The following CEP89 variants were observed in gnomAD, a reference collection of about 807,000 sequenced individuals.
The protein encoded by CEP89 is centrosomal protein 89, also known as centrosomal protein of 89 kDa.
CEP89 carries 95 observed loss-of-function variants against 97.6 expected under a neutral mutation model. That is an observed-to-expected ratio of 0.97 (90% CI 0.82 to 1.15). CEP89 has a LOEUF of 1.15. Among genes scored for constraint, CEP89 ranks in the 50% most tolerant of loss-of-function variants. CEP89 has a pLI of 0.00. For missense variants in CEP89, 869 were observed against 947.7 expected (o/e 0.92, Z 1.09); for synonymous variants, 354 against 349.1 (o/e 1.01, Z -0.16).
intron 2 of CEP89, among the ~76,000 whole-genome samples, chr19:32,960,966 C>G (rs563554536): frequency 6.6e-6 from 1 of 152,124 alleles, no homozygotes; most frequent in South Asian, 2.1e-4. Flanking sequence ...GATAGAGTGC[C>G]GGAAAGGAGA....
At chr19:32,927,131 C>CCCATCCATCCATCCAT in intron 9 of CEP89, 147 bp from the exon 10 acceptor site, 2 of 598,048 alleles carry the variant, frequency 3.3e-6, no homozygotes, top group Non-Finnish European at 6.0e-6. Context: ...TACCCACCTA[C>CCCATCCATCCATCCAT]CCATCCATCC....
chr19:32,939,719 G>T, intron 6 of CEP89, 138 bp downstream of exon 6: 1 of 481,160 alleles, frequency 2.1e-6, no homozygotes, highest in Non-Finnish European at 3.8e-6. Flanking sequence ...CAACAGGAAA[G>T]AACTCTTAAG....
chr19:32,911,689 G>C (rs1022041171), intron 14 of CEP89, among the ~76,000 whole-genome samples: 1 of 152,042 alleles, frequency 6.6e-6, no homozygotes, highest in African/African-American at 2.4e-5. Context: ...GGCTTAGTCA[G>C]CATGTAATAG....
chr19:32,932,432 A>G (rs1237156623), intron 8 of CEP89, among the ~76,000 whole-genome samples: 2 of 152,274 alleles, frequency 1.3e-5, no homozygotes, highest in East Asian at 3.9e-4. Context: ...AAATAGAAAA[A>G]GGTATAGAGA....
chr19:32,882,136 A>G lies in CEP89; in HGVS notation c.1966-123T>C, dbSNP rs1279228517. On this transcript the variant is annotated intron_variant, in intron 17 of 18. Transcript: ENST00000305768. Reference sequence around the variant, plus strand: ...AGCCTTTAAAATCTAGCAACCCCGGATAAGTTTGGTCTGGGATTGCAAGTC... The same window carrying G: ...AGCCTTTAAAATCTAGCAACCCCGGGTAAGTTTGGTCTGGGATTGCAAGTC... The G allele has an allele frequency of 2.0e-5, 15 of 767,138 alleles. 1 individual carries two copies. Among genetic ancestry groups the G allele is most frequent in the Admixed American group, 1.4e-4 (5 of 35,376 alleles). 47.5% of individuals were successfully genotyped at this position (767,138 alleles called of 1,614,324 possible).
chr19:32,884,764 T>G (rs950473268), intron 17 of CEP89, among the ~76,000 whole-genome samples: 2 of 152,118 alleles, frequency 1.3e-5, no homozygotes, highest in African/African-American at 4.8e-5. Context: ...GGGGTCTCTA[T>G]GTTGCCCAGG....
At chr19:32,889,962 C>T (rs778282328) in intron 16 of CEP89, among the ~76,000 whole-genome samples, 1 of 152,014 alleles carries the variant, frequency 6.6e-6, no homozygotes, top group Non-Finnish European at 1.5e-5. Flanking sequence ...AGAGGGGCAG[C>T]GCTGGGCCAG....
At position 32,913,308 on chromosome 19, in the gene CEP89, TTTTTGTTGTTGTTGTTG is replaced by T. The variant is rs1198693707; in HGVS notation, c.1565+2012_1565+2028del. Among the ~76,000 whole-genome samples the T allele has an allele frequency of 7.3e-4, 74 of 101,124 alleles. 1 individual carries two copies. The highest frequency in any genetic ancestry group is 1.6e-3 in the Non-Finnish European group (68 of 42,522). The allele number at this position is 101,124 out of a possible 152,430, so 66.3% of individuals were successfully genotyped here. A position where few individuals can be genotyped will look rare whatever the true frequency, so the allele number is the denominator to read the frequency against. ...GCCACCATATATATATATATATATTTTTTTGTTGTTGTTGTTGTTGTTGTTGTTGTTGTTTCACAATG... is the reference window on the plus strand; with the variant it reads ...GCCACCATATATATATATATATATTTTTGTTGTTGTTGTTGTTTCACAATG... On this transcript the variant is annotated intron_variant, in intron 14 of 18. Coordinates refer to ENST00000305768, the MANE Select transcript of CEP89 (RefSeq NM_032816.5).
chr19:32,939,619 A>G (rs1327107063), intron 6 of CEP89, among the ~76,000 whole-genome samples: 2 of 151,570 alleles, frequency 1.3e-5, no homozygotes, highest in Non-Finnish European at 2.9e-5. Context: ...CGGAGACCGC[A>G]GTGAGCTGAG....
intron 14 of CEP89, among the ~76,000 whole-genome samples, chr19:32,914,376 C>T (rs1376044262): frequency 2.0e-5 from 3 of 152,144 alleles, no homozygotes; most frequent in South Asian, 2.1e-4. Context: ...ACTGCAGCCT[C>T]GATCTCCCAT....
At chr19:32,958,496 T>C (rs1357817892) in intron 3 of CEP89, among the ~76,000 whole-genome samples, 1 of 148,140 alleles carries the variant, frequency 6.8e-6, no homozygotes, top group Non-Finnish European at 1.5e-5. Flanking sequence ...CCGGCCAACA[T>C]GGCAAAATCT....
intron 1 of CEP89, 38 bp from the exon 2 acceptor site, chr19:32,966,504 G>T: frequency 1.5e-6 from 2 of 1,300,750 alleles, no homozygotes; most frequent in Non-Finnish European, 1.0e-6. Flanking sequence ...ACTGGGTTGG[G>T]TCACTGGATC....
chr19:32,882,479 C>T (rs1482675376), intron 17 of CEP89, among the ~76,000 whole-genome samples: 2 of 151,214 alleles, frequency 1.3e-5, no homozygotes, highest in Admixed American at 6.6e-5. Context: ...GGGAGGATAA[C>T]TTGAACCTAG....
chr19:32,891,943 T>TA (rs930559025), intron 16 of CEP89, among the ~76,000 whole-genome samples: 17 of 150,968 alleles, frequency 1.1e-4, no homozygotes, highest in East Asian at 7.8e-4. Flanking sequence ...TTTAATGGCA[T>TA]AAAAAACCTA....
intron 1 of CEP89, chr19:32,971,418 C>T (rs1029170994): frequency 2.2e-6 from 1 of 445,166 alleles, no homozygotes; most frequent in Non-Finnish European, 4.0e-6. Context: ...GTGGCTCACG[C>T]CTGTGATACC....
chr19:32,879,141 C>T lies in CEP89; in HGVS notation c.*21G>A, dbSNP rs905516334. 17 of 1,583,578 alleles carry T rather than the reference C, an allele frequency of 1.1e-5. No homozygotes were observed. In the African/African-American group the frequency reaches 1.6e-4, roughly 15 times the overall value. On this transcript the variant is annotated 3_prime_UTR_variant, in exon 19 of 19. Coordinates refer to ENST00000305768, the MANE Select transcript of CEP89 (RefSeq NM_032816.5). ...AGACCTTTCAGGCCAGAGGAGGCTA[C>T]ACCACGGGCTCCCGCAGATTCTAGC... is the stretch of plus-strand genomic sequence containing the variant.
chr19:32,918,366 C>T (rs751237170), intron 12 of CEP89, 27 bp from the exon 13 acceptor site: 2 of 1,531,926 alleles, frequency 1.3e-6, no homozygotes, highest in Non-Finnish European at 1.8e-6. Flanking sequence ...AGATGAAATA[C>T]TGTGATTCAG....
chr19:32,883,804 T>A (rs1172883899), intron 17 of CEP89, among the ~76,000 whole-genome samples: 1 of 152,258 alleles, frequency 6.6e-6, no homozygotes, highest in Non-Finnish European at 1.5e-5. Context: ...CTGTTGATTA[T>A]GTTGTTAAAT....
intron 16 of CEP89, among the ~76,000 whole-genome samples, chr19:32,894,683 T>C (rs73926184): frequency 0.081 from 12,381 of 152,258 alleles, 1,573 homozygotes; most frequent in African/African-American, 0.27. Flanking sequence ...GCTGAGTGCA[T>C]GCACCAACCA....
Sources: allele counts gnomAD v4.1 joint callset (sites outside exome capture counted in the v4.1 genomes callset), GRCh38; gene constraint gnomAD v4.1.1; transcripts MANE v1.5; gene names NCBI Gene and HGNC (gene_info 2026-07-23, HGNC 2026-07-21).